The following NEGR1 variants were observed in gnomAD, a reference collection of about 807,000 sequenced individuals.
The protein encoded by NEGR1 is IgLON family member 4.
A neutral mutation model predicts 40.9 loss-of-function variants in NEGR1; 10 were observed. The observed-to-expected ratio is 0.24, with a 90% CI of 0.15 to 0.42. NEGR1 has a LOEUF of 0.42. Among genes scored for constraint, NEGR1 ranks in the 10% least tolerant of loss-of-function variants. The pLI is 1.00. For synonymous variants in NEGR1, 185 were observed against 166.8 expected (o/e 1.11, Z -0.84); for missense variants, 352 against 438.9 (o/e 0.80, Z 1.77).
intron 3 of NEGR1, among the ~76,000 whole-genome samples, chr1:71,756,146 C>A (rs1221765952): frequency 2.6e-5 from 4 of 152,158 alleles, no homozygotes; most frequent in Middle Eastern, 6.8e-3. Context: ...TAAGTTCTGG[C>A]TGAAAAGTGT....
At chr1:71,597,802 A>T (rs1431104453) in intron 5 of NEGR1, among the ~76,000 whole-genome samples, 1 of 151,716 alleles carries the variant, frequency 6.6e-6, no homozygotes, top group Admixed American at 6.6e-5. Context: ...AGTCCCTGCT[A>T]CTCGGAGGGC....
At chr1:71,713,052 G>C (rs1333415044) in intron 3 of NEGR1, among the ~76,000 whole-genome samples, 1 of 152,188 alleles carries the variant, frequency 6.6e-6, no homozygotes, top group African/African-American at 2.4e-5. Flanking sequence ...TGTGAGAACA[G>C]ACTAATACAG....
intron 1 of NEGR1, among the ~76,000 whole-genome samples, chr1:72,124,732 T>A (rs1649944205): frequency 6.6e-6 from 1 of 152,054 alleles, no homozygotes. Flanking sequence ...CATTGGATAC[T>A]TTTCATTGGT....
At chr1:71,840,919 T>C (rs1451414893) in intron 2 of NEGR1, among the ~76,000 whole-genome samples, 2 of 152,180 alleles carry the variant, frequency 1.3e-5, no homozygotes, top group Non-Finnish European at 2.9e-5. Context: ...AACCTCTCCA[T>C]GCAAGAGAGA....
At chr1:71,629,198 G>T (rs181581630) in intron 4 of NEGR1, among the ~76,000 whole-genome samples, 1 of 151,746 alleles carries the variant, frequency 6.6e-6, no homozygotes, top group African/African-American at 2.4e-5. Context: ...TGTTGGCCAC[G>T]TAAATGTCTT....
intron 6 of NEGR1, among the ~76,000 whole-genome samples, chr1:71,555,430 TCTTA>T (rs1484505684): frequency 5.3e-5 from 8 of 151,628 alleles, no homozygotes; most frequent in African/African-American, 1.9e-4. Flanking sequence ...TGGTTCATGA[TCTTA>T]CTTGTTACCT....
Position 71,894,821 on chromosome 1 carries a change from T to C in NEGR1, c.409+40258A>G, listed in dbSNP as rs527519455. Among the ~76,000 whole-genome samples the C allele has an allele frequency of 8.5e-5, 13 of 152,290 alleles. No individual in the cohort carries two copies. In the South Asian group the frequency reaches 2.7e-3, roughly 32 times the overall value. The stretch of plus-strand genomic sequence containing the variant: ...CACTTGGGAGGCTGAGGCAGGAGGA[T>C]TGCTTGAGCCCAGGAGTTTGAGGAT... On this transcript the variant is annotated intron_variant, in intron 2 of 6. Coordinates refer to ENST00000357731, the MANE Select transcript of NEGR1 (RefSeq NM_173808.3).
At chr1:71,592,999 T>A (rs1553152300) in intron 5 of NEGR1, 31 bp from the exon 6 acceptor site, 2 of 1,546,842 alleles carry the variant, frequency 1.3e-6, no homozygotes, top group South Asian at 2.3e-5. Context: ...TAGGTAAATA[T>A]GTATTGTGAA....
intron 1 of NEGR1, among the ~76,000 whole-genome samples, chr1:72,263,496 G>T (rs531874030): frequency 6.6e-6 from 1 of 151,438 alleles, no homozygotes; most frequent in Non-Finnish European, 1.5e-5. Flanking sequence ...GCTCTATTTC[G>T]TCATTCTTTG....
intron 3 of NEGR1, among the ~76,000 whole-genome samples, chr1:71,718,428 C>T (rs1203814723): frequency 6.6e-6 from 1 of 152,124 alleles, no homozygotes; most frequent in Non-Finnish European, 1.5e-5. Flanking sequence ...GAGCAGATGC[C>T]AGCAGCATGC....
intron 1 of NEGR1, among the ~76,000 whole-genome samples, chr1:72,098,870 A>T (rs983842958): frequency 2.0e-5 from 3 of 152,102 alleles, no homozygotes; most frequent in African/African-American, 7.2e-5. Context: ...GCTTTTCTGG[A>T]TGAAGTGGCA....
At chr1:71,988,756 T>C (rs185392685) in intron 1 of NEGR1, among the ~76,000 whole-genome samples, 7 of 151,550 alleles carry the variant, frequency 4.6e-5, no homozygotes, top group East Asian at 3.9e-4. Flanking sequence ...AAGAACCACA[T>C]GACTAGAGAA....
At chr1:72,228,623 A>G (rs1375506081) in intron 1 of NEGR1, among the ~76,000 whole-genome samples, 3 of 152,106 alleles carry the variant, frequency 2.0e-5, no homozygotes, top group Non-Finnish European at 4.4e-5. Flanking sequence ...GGTAGCTTTT[A>G]TTATGACCTA....
chr1:72,224,543 GGTGCT>G (rs1429220259), intron 1 of NEGR1, among the ~76,000 whole-genome samples: 1 of 151,994 alleles, frequency 6.6e-6, no homozygotes, highest in Non-Finnish European at 1.5e-5. Flanking sequence ...CCATGAGGTG[GGTGCT>G]ATTATGATTC....
chr1:71,856,643 A>G (rs907235712), intron 2 of NEGR1, among the ~76,000 whole-genome samples: 4 of 152,032 alleles, frequency 2.6e-5, no homozygotes, highest in African/African-American at 7.2e-5. Context: ...GCATTATTAC[A>G]AATATCATCT....
At chr1:71,911,246 G>A (rs1442123631) in intron 2 of NEGR1, among the ~76,000 whole-genome samples, 1 of 152,034 alleles carries the variant, frequency 6.6e-6, no homozygotes, top group African/African-American at 2.4e-5. Context: ...GGCTTAATTA[G>A]GTTGGTATAA....
chr1:72,145,147 GA>G (rs1185434540), intron 1 of NEGR1, among the ~76,000 whole-genome samples: 1 of 151,854 alleles, frequency 6.6e-6, no homozygotes, highest in African/African-American at 2.4e-5. Context: ...CCCTCAAAGG[GA>G]AAAAAATTCA....
intron 2 of NEGR1, among the ~76,000 whole-genome samples, chr1:71,803,120 C>A (rs1196445389): frequency 6.6e-6 from 1 of 152,004 alleles, no homozygotes; most frequent in South Asian, 2.1e-4. Context: ...GTAGACAGGG[C>A]CTTTAAGGAG....
chr1:71,619,689 G>T (rs1355240993), intron 4 of NEGR1, among the ~76,000 whole-genome samples: 1 of 152,064 alleles, frequency 6.6e-6, no homozygotes, highest in African/African-American at 2.4e-5. Flanking sequence ...TCAGCATGAG[G>T]TATTTAATAC....
Sources: allele counts gnomAD v4.1 joint callset (sites outside exome capture counted in the v4.1 genomes callset), GRCh38; gene constraint gnomAD v4.1.1; transcripts MANE v1.5; gene names NCBI Gene and HGNC (gene_info 2026-07-23, HGNC 2026-07-21).